NKAIN3: variants seen among roughly 807,000 people sequenced by gnomAD.
The protein encoded by NKAIN3 is sodium/potassium transporting ATPase interacting 3.
Under a neutral mutation model 30.2 loss-of-function variants are expected in NKAIN3, and 25 were observed. The ratio of observed to expected loss-of-function variants is 0.83; its 90% CI spans 0.60 to 1.16. The LOEUF (loss-of-function observed/expected upper bound fraction) is 1.16. Ranked by LOEUF, NKAIN3 falls within the 50% of genes most tolerant of loss-of-function variation. NKAIN3 has a pLI of 0.00. For synonymous variants in NKAIN3, 91 were observed against 89.6 expected, an observed-to-expected ratio of 1.02 and a Z score of -0.09; for missense variants, 225 against 254.1, an observed-to-expected ratio of 0.89 and a Z score of 0.78.
intron 4 of NKAIN3, among the ~76,000 whole-genome samples, chr8:62,830,008 T>C (rs1819146148): frequency 6.6e-6 from 1 of 152,088 alleles, no homozygotes; most frequent in Non-Finnish European, 1.5e-5. Flanking sequence ...ACATAAACAT[T>C]GTGTTCTAGT....
intron 3 of NKAIN3, among the ~76,000 whole-genome samples, chr8:62,737,309 C>G (rs1021812204): frequency 6.6e-6 from 1 of 152,166 alleles, no homozygotes; most frequent in African/African-American, 2.4e-5. Context: ...GAGAAGGACC[C>G]TGGTGAAGCT....
At chr8:62,889,432 T>C (rs1470902131) in intron 4 of NKAIN3, among the ~76,000 whole-genome samples, 3 of 151,120 alleles carry the variant, frequency 2.0e-5, no homozygotes, top group Non-Finnish European at 4.4e-5. Context: ...TCATAAGAGG[T>C]CCCTCAGAAG....
At chr8:62,310,486 AATGTGT>A (rs1403714608) in intron 1 of NKAIN3, among the ~76,000 whole-genome samples, 1 of 150,674 alleles carries the variant, frequency 6.6e-6, no homozygotes, top group African/African-American at 2.5e-5. Flanking sequence ...TTTAGAACGT[AATGTGT>A]ATGTTACTTT....
chr8:62,524,884 A>T (rs564379858), intron 1 of NKAIN3, among the ~76,000 whole-genome samples: 2 of 151,706 alleles, frequency 1.3e-5, no homozygotes, highest in East Asian at 3.9e-4. Context: ...TTTAATAGCT[A>T]CACTAGTTTG....
intron 5 of NKAIN3, among the ~76,000 whole-genome samples, chr8:62,938,179 C>T (rs1270068935): frequency 2.6e-5 from 4 of 152,082 alleles, no homozygotes. Context: ...TGCCCTCAAC[C>T]TGAGAAAGCT....
At chr8:62,376,195 T>C (rs1414417956) in intron 1 of NKAIN3, among the ~76,000 whole-genome samples, 1 of 152,208 alleles carries the variant, frequency 6.6e-6, no homozygotes, top group Non-Finnish European at 1.5e-5. Context: ...TGAATCTATG[T>C]GCTCTATGTT....
chr8:62,892,835 A>G (rs1213378878), intron 4 of NKAIN3, among the ~76,000 whole-genome samples: 1 of 152,188 alleles, frequency 6.6e-6, no homozygotes, highest in African/African-American at 2.4e-5. Context: ...TGGAAAGGTC[A>G]GACACACCAG....
chr8:62,784,100 A>G (rs947340884), intron 4 of NKAIN3, among the ~76,000 whole-genome samples: 1 of 152,066 alleles, frequency 6.6e-6, no homozygotes, highest in African/African-American at 2.4e-5. Flanking sequence ...CTAAAACATA[A>G]CGTATCAAAA....
intron 1 of NKAIN3, among the ~76,000 whole-genome samples, chr8:62,438,193 C>T (rs534377240): frequency 6.6e-5 from 10 of 152,346 alleles, no homozygotes; most frequent in African/African-American, 2.4e-4. Flanking sequence ...CCTCTCGTCC[C>T]TTCCTATCAG....
intron 4 of NKAIN3, among the ~76,000 whole-genome samples, chr8:62,761,147 A>G (rs1001327736): frequency 1.3e-5 from 2 of 152,212 alleles, no homozygotes; most frequent in Admixed American, 6.5e-5. Flanking sequence ...TGTATACTGC[A>G]TAATTACTAG....
Position 62,586,044 on chromosome 8 carries a change from T to C in NKAIN3, c.193-3670T>C, listed in dbSNP as rs551952813. ...ACATTTTTTGAAATAAGATTAACCT[T>C]GAAATTAAAATTAGCTCAAAACTGC... On this transcript the variant is annotated intron_variant, in intron 2 of 6. Coordinates refer to ENST00000623646, the MANE Select transcript of NKAIN3 (RefSeq NM_001304533.3). 5.3e-5 allele frequency among the ~76,000 whole-genome samples: 8 copies of C among 152,296 alleles called. 1 individual carries two copies. In the South Asian group the frequency reaches 1.4e-3, roughly 28 times the overall value.
intron 1 of NKAIN3, among the ~76,000 whole-genome samples, chr8:62,520,754 C>G (rs187118166): frequency 6.6e-6 from 1 of 152,182 alleles, no homozygotes; most frequent in East Asian, 1.9e-4. Context: ...TGGCTCCCAT[C>G]TTAGACAGCC....
intron 3 of NKAIN3, among the ~76,000 whole-genome samples, chr8:62,679,819 C>T (rs1236492976): frequency 6.6e-6 from 1 of 152,168 alleles, no homozygotes; most frequent in African/African-American, 2.4e-5. Flanking sequence ...CAGGCCCTAC[C>T]TCCAACACTG....
intron 4 of NKAIN3, among the ~76,000 whole-genome samples, chr8:62,916,627 G>T (rs1822113698): frequency 6.6e-6 from 1 of 152,102 alleles, no homozygotes; most frequent in Admixed American, 6.5e-5. Context: ...TAAATATCTA[G>T]TCCAGGTTAC....
chr8:62,852,665 G>A (rs375990255), intron 4 of NKAIN3, among the ~76,000 whole-genome samples: 21 of 152,056 alleles, frequency 1.4e-4, no homozygotes, highest in African/African-American at 2.2e-4. Context: ...CTTTGTTCTC[G>A]TTGGTTTCAA....
chr8:62,472,434 A>C (rs1030551667), intron 1 of NKAIN3, among the ~76,000 whole-genome samples: 6 of 152,172 alleles, frequency 3.9e-5, no homozygotes, highest in Non-Finnish European at 8.8e-5. Context: ...CAAGGGTAAC[A>C]CTATCTGGAG....
chr8:62,616,745 A>G (rs1378582444), intron 3 of NKAIN3, among the ~76,000 whole-genome samples: 2 of 152,036 alleles, frequency 1.3e-5, no homozygotes, highest in African/African-American at 4.8e-5. Flanking sequence ...CCAACCCTCT[A>G]ATCATGTGGT....
intron 1 of NKAIN3, among the ~76,000 whole-genome samples, chr8:62,284,936 T>C (rs966631676): frequency 1.3e-5 from 2 of 152,134 alleles, no homozygotes; most frequent in African/African-American, 2.4e-5. Flanking sequence ...GTGGGGAAAA[T>C]TGACCTTTTA....
chr8:62,529,762 T>G (rs1482288751), intron 1 of NKAIN3, among the ~76,000 whole-genome samples: 1 of 152,138 alleles, frequency 6.6e-6, no homozygotes, highest in Non-Finnish European at 1.5e-5. Context: ...AAGGCAATAC[T>G]AAGTGGATGT....
Sources: allele counts gnomAD v4.1 joint callset (sites outside exome capture counted in the v4.1 genomes callset), GRCh38; gene constraint gnomAD v4.1.1; transcripts MANE v1.5; gene names NCBI Gene and HGNC (gene_info 2026-07-23, HGNC 2026-07-21).